ANKRD29: variants seen among roughly 807,000 people sequenced by gnomAD.
ANKRD29 encodes ankyrin repeat domain 29.
Under a neutral mutation model 38.0 loss-of-function variants are expected in ANKRD29, and 32 were observed. That is an observed-to-expected ratio of 0.84 (90% CI 0.64 to 1.13). The LOEUF (loss-of-function observed/expected upper bound fraction) is 1.13, where lower values mean the gene tolerates loss of function less well. ANKRD29 is among the 50% of genes most tolerant of loss of function. The pLI is 0.00. For synonymous variants in ANKRD29, 135 were observed against 152.4 expected, an observed-to-expected ratio of 0.89 and a Z score of 0.84; for missense variants, 357 against 377.9, an observed-to-expected ratio of 0.94 and a Z score of 0.46.
At chr18:23,653,122 C>T (rs977629809) in intron 1 of ANKRD29, among the ~76,000 whole-genome samples, 5 of 152,298 alleles carry the variant, frequency 3.3e-5, no homozygotes, top group Middle Eastern at 3.4e-3. Context: ...GATGTGCAGT[C>T]GGCTACACTC....
intron 1 of ANKRD29, among the ~76,000 whole-genome samples, chr18:23,661,182 T>C (rs1485422879): frequency 3.4e-4 from 52 of 152,196 alleles, no homozygotes; most frequent in Admixed American, 3.4e-3. Flanking sequence ...TCCACCTTTA[T>C]ATGGTTCCAC....
chr18:23,637,127 G>A (rs1035803768), intron 4 of ANKRD29, among the ~76,000 whole-genome samples: 7 of 152,156 alleles, frequency 4.6e-5, no homozygotes, highest in Non-Finnish European at 7.3e-5. Flanking sequence ...GTATTCACTC[G>A]TTAACCAAGA....
At chr18:23,617,956 A>G (rs2059745990) in intron 7 of ANKRD29, 129 bp from the exon 8 acceptor site, 1 of 654,112 alleles carries the variant, frequency 1.5e-6, no homozygotes, top group African/African-American at 1.8e-5. Flanking sequence ...CAGATCAGCA[A>G]TGTCTCTTAA....
rs776748885 is a variant in ANKRD29, at chr18:23,646,188, C to A, written c.231+1G>T. 8 of 1,614,038 alleles carry A rather than the reference C, an allele frequency of 5.0e-6. No homozygotes were observed. Among genetic ancestry groups the A allele is most frequent in the Non-Finnish European group, 6.8e-6 (8 of 1,179,974 alleles). On this transcript the variant is annotated splice_donor_variant, in intron 3 of 9. Coordinates refer to ENST00000592179, the MANE Select transcript of ANKRD29 (RefSeq NM_173505.4). LOFTEE classifies it high-confidence loss of function. ...TTCTTCAAGTGCAAAGCCTGACCTA[C>A]CTCTCTCTGGAGATTGATGTCTGCT... is the stretch of plus-strand genomic sequence containing the variant.
Position 23,612,120 on chromosome 18 carries a change from G to A in ANKRD29, c.794C>T (p.Ala265Val). 1 of 1,613,820 alleles carries A rather than the reference G, an allele frequency of 6.2e-7. No homozygotes were observed. Among genetic ancestry groups the A allele is most frequent in the South Asian group, 1.1e-5 (1 of 91,054 alleles). The change falls in exon 9 of 10, where the codon GCA becomes GTA. Residue 265 changes from alanine to valine, a missense_variant. By Grantham distance (64) the Ala-to-Val change is moderately conservative. Transcript: ENST00000592179. Reference sequence around the variant, plus strand: ...GTTTCTCAGGGATGGGTCTGCCCCTGCTTCTAGGAGCAGCGCAACTGTTTT... The same window carrying A: ...GTTTCTCAGGGATGGGTCTGCCCCTACTTCTAGGAGCAGCGCAACTGTTTT... ...NIKTVALLLE[A>V]GADPSLRNKA...
chr18:23,607,760 C>T (rs182396046), intron 9 of ANKRD29, among the ~76,000 whole-genome samples: 29 of 152,300 alleles, frequency 1.9e-4, no homozygotes, highest in South Asian at 1.0e-3. Context: ...AAGGCTATCT[C>T]GTTCATTATG....
chr18:23,636,461 T>C (rs2060004244), intron 4 of ANKRD29, among the ~76,000 whole-genome samples: 1 of 151,970 alleles, frequency 6.6e-6, no homozygotes, highest in South Asian at 2.1e-4. Flanking sequence ...AGATAGGGTC[T>C]TGCTACATTG....
intron 3 of ANKRD29, among the ~76,000 whole-genome samples, chr18:23,645,569 A>G (rs1975080): frequency 0.12 from 18,880 of 152,140 alleles, 2,668 homozygotes; most frequent in African/African-American, 0.32. Context: ...GCGAGACTCC[A>G]TCTTAAAAAA....
intron 2 of ANKRD29, 78 bp from the exon 3 acceptor site, chr18:23,646,365 G>C: frequency 3.1e-6 from 4 of 1,309,756 alleles, no homozygotes; most frequent in Non-Finnish European, 4.3e-6. Flanking sequence ...ATGCTGCAGA[G>C]ATGTCAGCTC....
At chr18:23,626,736 G>A (rs1264004645) in intron 6 of ANKRD29, among the ~76,000 whole-genome samples, 2 of 152,206 alleles carry the variant, frequency 1.3e-5, no homozygotes, top group Non-Finnish European at 2.9e-5. Context: ...CAGTGATAGA[G>A]TTACAAAGAA....
intron 4 of ANKRD29, among the ~76,000 whole-genome samples, chr18:23,635,968 G>A (rs1055696981): frequency 6.6e-6 from 1 of 152,162 alleles, no homozygotes; most frequent in African/African-American, 2.4e-5. Flanking sequence ...GGTGGTAGAC[G>A]GCAGTGGTGA....
At position 23,654,279 on chromosome 18, in the gene ANKRD29, AAAATAAATAAAT is replaced by A. The variant is rs71163628; in HGVS notation, c.22-5098_22-5087del. 8.6e-4 allele frequency among the ~76,000 whole-genome samples: 117 copies of A among 136,604 alleles called. 1 individual carries two copies. Among genetic ancestry groups the A allele is most frequent in the African/African-American group, 1.5e-3 (52 of 35,436 alleles). The allele number at this position is 136,604 out of a possible 152,430, so 89.6% of individuals were successfully genotyped here. ...GACTCTGTTTCCCCAGCCTCCACAA[AAAATAAATAAAT>A]AAATAAATAAATAAATAAATAAATA... On this transcript the variant is annotated intron_variant, in intron 1 of 9. Coordinates refer to ENST00000592179, the MANE Select transcript of ANKRD29 (RefSeq NM_173505.4).
intron 3 of ANKRD29, among the ~76,000 whole-genome samples, chr18:23,641,605 C>A (rs868080056): frequency 6.6e-6 from 1 of 152,196 alleles, no homozygotes; most frequent in South Asian, 2.1e-4. Flanking sequence ...GGCCTGTAGG[C>A]GCCCCTTGGC....
Position 23,605,429 on chromosome 18 carries a change from T to C in ANKRD29, c.823-4120A>G, listed in dbSNP as rs183251909. The stretch of plus-strand genomic sequence containing the variant: ...GTTGCCCAGGCTGGTCTTAAACTCC[T>C]GGCCTCAAGCAGTCTTCCCACCTAG... On this transcript the variant is annotated intron_variant, in intron 9 of 9. Transcript: ENST00000592179. Among the ~76,000 whole-genome samples the C allele has an allele frequency of 3.2e-3, 487 of 152,172 alleles. 5 individuals are homozygous for C. The highest frequency in any genetic ancestry group is 0.011 in the African/African-American group (463 of 41,502).
chr18:23,633,613 C>G (rs2059961615), intron 5 of ANKRD29, among the ~76,000 whole-genome samples: 1 of 152,128 alleles, frequency 6.6e-6, no homozygotes, highest in Non-Finnish European at 1.5e-5. Flanking sequence ...CTATGTCACC[C>G]AGGCTGGAGT....
intron 3 of ANKRD29, among the ~76,000 whole-genome samples, chr18:23,644,571 A>G (rs142268794): frequency 6.6e-6 from 1 of 152,216 alleles, no homozygotes; most frequent in Non-Finnish European, 1.5e-5. Context: ...TAGTCTCTTT[A>G]TACTGCTCCT....
chr18:23,638,616 AT>A (rs1173791097), intron 4 of ANKRD29, among the ~76,000 whole-genome samples: 1 of 152,216 alleles, frequency 6.6e-6, no homozygotes, highest in East Asian at 1.9e-4. Flanking sequence ...GATAGAAGTA[AT>A]TCCCCATAAA....
At chr18:23,611,890 T>A (rs2059647067) in intron 9 of ANKRD29, among the ~76,000 whole-genome samples, 2 of 151,864 alleles carry the variant, frequency 1.3e-5, no homozygotes, top group Non-Finnish European at 2.9e-5. Flanking sequence ...AAACCATTGA[T>A]ATGAGTCAGG....
At position 23,640,953 on chromosome 18, in the gene ANKRD29, G is replaced by C. The variant is rs553110191; in HGVS notation, c.232-2006C>G. ...CTTAAAACTTGTTCTTAAGGGCCTG[G>C]GTGTCTCTGTGAATATGTACGTGTG... On this transcript the variant is annotated intron_variant, in intron 3 of 9. Transcript: ENST00000592179. 1.6e-3 allele frequency among the ~76,000 whole-genome samples: 237 copies of C among 152,274 alleles called. 1 individual carries two copies. The highest frequency in any genetic ancestry group is 5.5e-3 in the African/African-American group (227 of 41,546).
Sources: gnomAD v4.1 joint callset for allele counts (sites outside exome capture counted in the v4.1 genomes callset) on GRCh38, gnomAD v4.1.1 for gene constraint, MANE v1.5 for transcripts, NCBI Gene and HGNC (gene_info 2026-07-23, HGNC 2026-07-21) for gene names.